YAE1: variants seen among roughly 807,000 people sequenced by gnomAD.
YAE1 encodes the protein YAE1 maturation factor of ABCE1.
YAE1 carries 22 observed loss-of-function variants against 23.0 expected under a neutral mutation model. That is an observed-to-expected ratio of 0.96 (90% CI 0.68 to 1.37). YAE1 has a LOEUF of 1.37. Among genes scored for constraint, YAE1 ranks in the 40% most tolerant of loss-of-function variants. The pLI is 0.00. For synonymous variants in YAE1, 101 were observed against 97.0 expected, an observed-to-expected ratio of 1.04 and a Z score of -0.24; for missense variants, 260 against 262.1, an observed-to-expected ratio of 0.99 and a Z score of 0.06.
chr7:39,575,597 TAGAG>T (rs1790646694), downstream of YAE1, among the ~76,000 whole-genome samples: 2 of 148,910 alleles, frequency 1.3e-5, no homozygotes, highest in South Asian at 2.2e-4. Flanking sequence ...TGTGTGTGTA[TAGAG>T]AGTGATTCAC....
At chr7:39,577,989 G>A (rs1481545938) in intron 2 of YAE1, among the ~76,000 whole-genome samples, 1 of 151,838 alleles carries the variant, frequency 6.6e-6, no homozygotes, top group Non-Finnish European at 1.5e-5. Flanking sequence ...AGCTAATCTG[G>A]TGGGGACTTG....
chr7:39,597,660 C>T (rs930059342), intron 2 of YAE1, among the ~76,000 whole-genome samples: 3 of 152,210 alleles, frequency 2.0e-5, no homozygotes, highest in South Asian at 2.1e-4. Flanking sequence ...GCAGCAGGGC[C>T]GAGAAGCTGG....
At chr7:39,575,537 G>GGAGAGAGAGAGAGAGAGAGAGA (rs56954676), downstream of YAE1, among the ~76,000 whole-genome samples, 15 of 131,196 alleles carry the variant, frequency 1.1e-4, no homozygotes, top group African/African-American at 5.8e-5. Context: ...CTAAGATACA[G>GGAGAGAGAGAGAGAGAGAGAGA]GAGAGAGAGA....
At chr7:39,595,456 C>T (rs1457126760) in intron 2 of YAE1, among the ~76,000 whole-genome samples, 2 of 151,882 alleles carry the variant, frequency 1.3e-5, no homozygotes, top group African/African-American at 4.8e-5. Context: ...GCAGAGAGAC[C>T]CAAACAGGCC....
At chr7:39,567,629 AT>A (rs762631305) in intron 1 of YAE1, among the ~76,000 whole-genome samples, 5 of 152,032 alleles carry the variant, frequency 3.3e-5, no homozygotes, top group Admixed American at 6.6e-5. Flanking sequence ...GGTTTTTTTA[AT>A]CTTTTGAAGT....
At chr7:39,582,414 G>T (rs2115801542) in intron 2 of YAE1, among the ~76,000 whole-genome samples, 1 of 152,258 alleles carries the variant, frequency 6.6e-6, no homozygotes, top group South Asian at 2.1e-4. Flanking sequence ...GACTGCAATA[G>T]AATTGAATGT....
At chr7:39,580,398 C>T (rs12111880) in intron 2 of YAE1, among the ~76,000 whole-genome samples, 3,754 of 152,280 alleles carry the variant, frequency 0.025, 144 homozygotes, top group African/African-American at 0.084. Flanking sequence ...TGTAACACTC[C>T]GTTTTCTTGC....
intron 1 of YAE1, 49 bp from the exon 2 acceptor site, chr7:39,570,457 A>G: frequency 1.9e-6 from 3 of 1,591,018 alleles, no homozygotes; most frequent in Non-Finnish European, 2.6e-6. Flanking sequence ...AGAAAAGCCT[A>G]CATGTATATA....
intron 2 of YAE1, 79 bp from the exon 3 acceptor site, chr7:39,572,198 G>A (rs772348171): frequency 6.0e-5 from 83 of 1,391,354 alleles, no homozygotes; most frequent in Middle Eastern, 2.5e-4. Flanking sequence ...AAGTCCAATC[G>A]TTTAATTGTT....
At chr7:39,602,007 A>T (rs1455477748) in intron 2 of YAE1, among the ~76,000 whole-genome samples, 1 of 152,220 alleles carries the variant, frequency 6.6e-6, no homozygotes, top group African/African-American at 2.4e-5. Context: ...GATGCATGAA[A>T]AAAAATGAAT....
chr7:39,592,238 G>C (rs1390248644), intron 2 of YAE1, among the ~76,000 whole-genome samples: 2 of 151,800 alleles, frequency 1.3e-5, no homozygotes, highest in Admixed American at 6.6e-5. Context: ...AGTATGTTTA[G>C]TCCTTAAAGA....
At chr7:39,581,383 TATA>T (rs1168580866) in intron 2 of YAE1, among the ~76,000 whole-genome samples, 1 of 152,212 alleles carries the variant, frequency 6.6e-6, no homozygotes, top group East Asian at 1.9e-4. Flanking sequence ...TTGACAATAG[TATA>T]ATGATAGCTT....
At chr7:39,587,563 AT>A (rs752628737) in intron 2 of YAE1, among the ~76,000 whole-genome samples, 6 of 152,152 alleles carry the variant, frequency 3.9e-5, no homozygotes, top group Admixed American at 2.0e-4. Flanking sequence ...ACCATGTTGT[AT>A]TTGGAATTTA....
At chr7:39,567,478 A>T (rs1790491524) in intron 1 of YAE1, among the ~76,000 whole-genome samples, 1 of 151,984 alleles carries the variant, frequency 6.6e-6, no homozygotes, top group African/African-American at 2.4e-5. Flanking sequence ...TTTTTTTTAA[A>T]CAATTTCCTC....
chr7:39,577,814 C>T (rs181150547), downstream of YAE1, among the ~76,000 whole-genome samples: 105 of 152,336 alleles, frequency 6.9e-4, no homozygotes, highest in African/African-American at 2.4e-3. Flanking sequence ...GAGGCAGCTC[C>T]GCCTGCGGCC....
chr7:39,577,610 T>C (rs569868692), downstream of YAE1, among the ~76,000 whole-genome samples: 1 of 152,286 alleles, frequency 6.6e-6, no homozygotes, highest in East Asian at 1.9e-4. Context: ...TGCGCTCAAA[T>C]TCTCGCCAGG....
At chr7:39,603,227 C>G (rs2115846715) in intron 2 of YAE1, among the ~76,000 whole-genome samples, 1 of 152,314 alleles carries the variant, frequency 6.6e-6, no homozygotes, top group Admixed American at 6.5e-5. Flanking sequence ...TCGGCTCCAC[C>G]TGCAGGGTTC....
chr7:39,609,683 A>T, exon 3 of YAE1: 1 of 1,535,704 alleles, frequency 6.5e-7, no homozygotes, highest in South Asian at 1.2e-5. Context: ...TTGGGACGCA[A>T]CTACTGCCGC....
chr7:39,580,987 C>T (rs1790733894), intron 2 of YAE1, among the ~76,000 whole-genome samples: 1 of 152,192 alleles, frequency 6.6e-6, no homozygotes, highest in Non-Finnish European at 1.5e-5. Context: ...CAGGAAGCAT[C>T]TCTACTTGCC....
Sources: gnomAD v4.1 joint callset for allele counts (sites outside exome capture counted in the v4.1 genomes callset) on GRCh38, gnomAD v4.1.1 for gene constraint, MANE v1.5 for transcripts, NCBI Gene and HGNC (gene_info 2026-07-23, HGNC 2026-07-21) for gene names.